The following ENTREP1 variants were observed in gnomAD, a reference collection of about 807,000 sequenced individuals.
The protein encoded by ENTREP1 is Friedreich ataxia region gene X123.
At chr9:69,388,216 T>C in the ENTREP1 span, 1,507 of 1,614,192 alleles carry the variant, frequency 9.3e-4, 17 homozygotes, top group South Asian at 0.014. Flanking sequence ...TGGATCTGGC[T>C]GCAGTGACTC....
chr9:69,373,943 C>T, the ENTREP1 span, among the ~76,000 whole-genome samples: 3 of 152,108 alleles, frequency 2.0e-5, no homozygotes, highest in Admixed American at 6.6e-5. Flanking sequence ...ATACTCCAAA[C>T]AAAATATTGT....
chr9:69,349,184 CAAAAAAAAAAA>C, the ENTREP1 span, among the ~76,000 whole-genome samples: 33 of 85,272 alleles, frequency 3.9e-4, no homozygotes, highest in African/African-American at 1.2e-3. Flanking sequence ...AACTCCATCT[CAAAAAAAAAAA>C]AAAAAAAAAA....
At chr9:69,357,128 A>G in the ENTREP1 span, among the ~76,000 whole-genome samples, 149 of 151,156 alleles carry the variant, frequency 9.9e-4, 1 homozygote, top group African/African-American at 3.4e-3. Context: ...TTTTGAAGTC[A>G]CTTTCCTGAG....
At chr9:69,383,850 A>C in the ENTREP1 span, 1 of 1,571,050 alleles carries the variant, frequency 6.4e-7, no homozygotes. Flanking sequence ...AACAGCAGGG[A>C]GACCGGGCCC....
At chr9:69,370,343 G>A in the ENTREP1 span, among the ~76,000 whole-genome samples, 1 of 152,244 alleles carries the variant, frequency 6.6e-6, no homozygotes, top group East Asian at 1.9e-4. Context: ...CCTGTCCTTT[G>A]CCAATTATGT....
chr9:69,367,800 AAT>A, the ENTREP1 span, among the ~76,000 whole-genome samples: 204 of 91,938 alleles, frequency 2.2e-3, 6 homozygotes, highest in Middle Eastern at 6.8e-3. Flanking sequence ...CATATATATA[AAT>A]ATATATACAC....
chr9:69,391,650 C>A, the ENTREP1 span: 1 of 1,614,046 alleles, frequency 6.2e-7, no homozygotes. Context: ...AAGCTGCCCT[C>A]GCGGAGACAG....
At chr9:69,326,051 T>C in the ENTREP1 span, among the ~76,000 whole-genome samples, 1 of 152,166 alleles carries the variant, frequency 6.6e-6, no homozygotes, top group Admixed American at 6.5e-5. Context: ...TGATTAAACT[T>C]CTTTTGGTTA....
At chr9:69,365,431 T>C in the ENTREP1 span, among the ~76,000 whole-genome samples, 1 of 152,164 alleles carries the variant, frequency 6.6e-6, no homozygotes, top group Non-Finnish European at 1.5e-5. Flanking sequence ...TTTTGTTACA[T>C]GGATAGCAAC....
At chr9:69,324,728 C>A in the ENTREP1 span, 2 of 984,860 alleles carry the variant, frequency 2.0e-6, no homozygotes, top group Non-Finnish European at 2.4e-6. Context: ...CGCCCCAAAG[C>A]CCCTCCTCCA....
chr9:69,367,716 CACATATATATAAAAATATATAT>C, the ENTREP1 span, among the ~76,000 whole-genome samples: 1 of 61,874 alleles, frequency 1.6e-5, no homozygotes, highest in Non-Finnish European at 4.0e-5. Flanking sequence ...TATATATATA[CACATATATATAAAAATATATAT>C]ATACACATAT....
At chr9:69,362,599 T>C in the ENTREP1 span, among the ~76,000 whole-genome samples, 2 of 152,148 alleles carry the variant, frequency 1.3e-5, no homozygotes, top group South Asian at 4.1e-4. Context: ...ACTTAACTCA[T>C]TGTGATGGTT....
chr9:69,386,147 G>T, the ENTREP1 span: 2 of 442,444 alleles, frequency 4.5e-6, no homozygotes, highest in Non-Finnish European at 7.4e-6. Flanking sequence ...AGGATGGTAG[G>T]GTTTTTTTGT....
the ENTREP1 span, among the ~76,000 whole-genome samples, chr9:69,385,231 T>C: frequency 6.6e-6 from 1 of 152,212 alleles, no homozygotes; most frequent in South Asian, 2.1e-4. Flanking sequence ...AATTTTTCCA[T>C]TTTTAAAAAC....
chr9:69,392,120 C>A, the ENTREP1 span: 1 of 379,912 alleles, frequency 2.6e-6, no homozygotes. Context: ...TGATTCTTTG[C>A]CCACTTCACC....
chr9:69,377,531 C>A, the ENTREP1 span: 6 of 1,606,694 alleles, frequency 3.7e-6, no homozygotes, highest in African/African-American at 4.0e-5. Context: ...AGCCCATGGA[C>A]CCCTTCGTGT....
chr9:69,383,288 A>C, the ENTREP1 span: 7 of 719,546 alleles, frequency 9.7e-6, no homozygotes, highest in African/African-American at 1.1e-4. Context: ...TACTTCAGAG[A>C]GACCCCATAC....
At chr9:69,336,326 T>G in the ENTREP1 span, 1 of 1,068,272 alleles carries the variant, frequency 9.4e-7, no homozygotes, top group South Asian at 1.4e-5. Context: ...GTATGAAGTC[T>G]GTTCATATAA....
the ENTREP1 span, among the ~76,000 whole-genome samples, chr9:69,343,548 C>A: frequency 6.6e-6 from 1 of 152,202 alleles, no homozygotes; most frequent in African/African-American, 2.4e-5. Context: ...TCAGGTGATC[C>A]TCCCACCTCA....
Sources: allele counts gnomAD v4.1 joint callset (sites outside exome capture counted in the v4.1 genomes callset), GRCh38; gene constraint gnomAD v4.1.1; transcripts MANE v1.5; gene names NCBI Gene and HGNC (gene_info 2026-07-23, HGNC 2026-07-21).